SPMIP2: variants seen among roughly 807,000 people sequenced by gnomAD.
SPMIP2 encodes protein SPMIP2.
the SPMIP2 span, among the ~76,000 whole-genome samples, chr4:159,012,572 T>C: frequency 3.3e-5 from 1 of 29,890 alleles, no homozygotes; most frequent in Non-Finnish European, 6.5e-5. Context: ...CCACAGTATG[T>C]TGAAATAATT....
the SPMIP2 span, among the ~76,000 whole-genome samples, chr4:159,040,014 T>C: frequency 1.8e-4 from 27 of 152,370 alleles, 1 homozygote; most frequent in South Asian, 2.3e-3. Flanking sequence ...TACAATTACA[T>C]AATAACATTC....
At chr4:158,950,473 G>T in the SPMIP2 span, among the ~76,000 whole-genome samples, 2 of 152,280 alleles carry the variant, frequency 1.3e-5, no homozygotes, top group Non-Finnish European at 1.5e-5. Flanking sequence ...TCAGCAAATT[G>T]TATCAAGTGC....
At chr4:159,066,870 G>A in the SPMIP2 span, among the ~76,000 whole-genome samples, 5 of 152,238 alleles carry the variant, frequency 3.3e-5, no homozygotes, top group East Asian at 1.9e-4. Flanking sequence ...GCTATTCAGC[G>A]CTGCCTTTGC....
chr4:159,028,576 C>G, the SPMIP2 span, among the ~76,000 whole-genome samples: 2 of 152,236 alleles, frequency 1.3e-5, no homozygotes, highest in East Asian at 3.9e-4. Flanking sequence ...AGCAATCCTC[C>G]CACCTCTTCC....
At chr4:159,033,820 C>T in the SPMIP2 span, among the ~76,000 whole-genome samples, 1 of 152,002 alleles carries the variant, frequency 6.6e-6, no homozygotes, top group South Asian at 2.1e-4. Flanking sequence ...TTTTCTGTAA[C>T]ATTGTAAAAT....
the SPMIP2 span, among the ~76,000 whole-genome samples, chr4:159,026,837 T>C: frequency 1.3e-5 from 2 of 151,200 alleles, no homozygotes; most frequent in South Asian, 4.1e-4. Context: ...CCCTTCCATC[T>C]TAGCTTATGC....
chr4:158,951,890 T>C, the SPMIP2 span, among the ~76,000 whole-genome samples: 1 of 152,218 alleles, frequency 6.6e-6, no homozygotes, highest in African/African-American at 2.4e-5. Context: ...TCACTACAGA[T>C]GTGAGGTGAA....
chr4:159,061,966 T>C, the SPMIP2 span, among the ~76,000 whole-genome samples: 2 of 152,236 alleles, frequency 1.3e-5, no homozygotes, highest in Admixed American at 6.5e-5. Flanking sequence ...TCCATAGTGA[T>C]GGTATAAAGG....
chr4:158,916,618 C>CGT, the SPMIP2 span, among the ~76,000 whole-genome samples: 1 of 95,434 alleles, frequency 1.0e-5, no homozygotes, highest in Non-Finnish European at 2.1e-5. Context: ...TATGTATGTA[C>CGT]ATATGTATGT....
the SPMIP2 span, among the ~76,000 whole-genome samples, chr4:158,915,018 T>C: frequency 2.6e-5 from 4 of 152,206 alleles, no homozygotes; most frequent in African/African-American, 7.2e-5. Flanking sequence ...AACATCACTG[T>C]GGCAATCCAG....
At chr4:159,037,785 TACACACACACACACAC>T in the SPMIP2 span, among the ~76,000 whole-genome samples, 1 of 118,920 alleles carries the variant, frequency 8.4e-6, no homozygotes, top group African/African-American at 3.6e-5. Flanking sequence ...AAACAATATA[TACACACACACACACAC>T]ACACACACAC....
the SPMIP2 span, among the ~76,000 whole-genome samples, chr4:158,949,485 T>A: frequency 6.6e-6 from 1 of 152,224 alleles, no homozygotes; most frequent in South Asian, 2.1e-4. Flanking sequence ...AAATAACTTG[T>A]CCAAGGTATC....
the SPMIP2 span, among the ~76,000 whole-genome samples, chr4:159,065,635 C>G: frequency 6.6e-6 from 1 of 152,132 alleles, no homozygotes; most frequent in East Asian, 1.9e-4. Context: ...GGAGGATCTC[C>G]TAAGTCTCTC....
the SPMIP2 span, among the ~76,000 whole-genome samples, chr4:159,040,194 C>A: frequency 6.6e-6 from 1 of 151,700 alleles, no homozygotes; most frequent in African/African-American, 2.4e-5. Flanking sequence ...TTTTTTGGGA[C>A]GGAGTCTCGC....
At chr4:158,996,993 G>A in the SPMIP2 span, among the ~76,000 whole-genome samples, 1 of 152,088 alleles carries the variant, frequency 6.6e-6, no homozygotes, top group Admixed American at 6.6e-5. Flanking sequence ...CTCTGGAAAG[G>A]GAGAAGAGTG....
chr4:159,062,608 C>T, the SPMIP2 span, among the ~76,000 whole-genome samples: 2 of 152,028 alleles, frequency 1.3e-5, no homozygotes, highest in Non-Finnish European at 2.9e-5. Flanking sequence ...CTTGACTAGT[C>T]TTGAAAGCTT....
chr4:158,966,331 A>G, the SPMIP2 span, among the ~76,000 whole-genome samples: 2 of 152,216 alleles, frequency 1.3e-5, no homozygotes, highest in Non-Finnish European at 2.9e-5. Flanking sequence ...GGGAAAAACT[A>G]CAGTCATAAA....
the SPMIP2 span, among the ~76,000 whole-genome samples, chr4:158,939,575 C>A: frequency 6.6e-6 from 1 of 152,144 alleles, no homozygotes; most frequent in East Asian, 1.9e-4. Context: ...TAGGACAATC[C>A]AAGTAAGTCC....
chr4:158,895,803 G>T, the SPMIP2 span: 1 of 1,613,156 alleles, frequency 6.2e-7, no homozygotes, highest in Non-Finnish European at 8.5e-7. Context: ...AAAGTAAAAT[G>T]CTATCTGAAT....
Sources: gnomAD v4.1 joint callset for allele counts (sites outside exome capture counted in the v4.1 genomes callset) on GRCh38, gnomAD v4.1.1 for gene constraint, MANE v1.5 for transcripts, NCBI Gene and HGNC (gene_info 2026-07-23, HGNC 2026-07-21) for gene names.